Variants in RBFOX1 observed in about 807,000 individuals in gnomAD.
The protein encoded by RBFOX1 is RNA binding fox-1 homolog 1.
Under a neutral mutation model 57.7 loss-of-function variants are expected in RBFOX1, and 8 were observed. The observed-to-expected ratio is 0.14, with a 90% CI of 0.08 to 0.25. RBFOX1 has a LOEUF of 0.25. Ranked by LOEUF, RBFOX1 falls within the 10% of genes least tolerant of loss-of-function variation. The pLI, the probability that RBFOX1 is intolerant of heterozygous loss-of-function variation, is 1.00. For missense variants in RBFOX1, 611 were observed against 548.5 expected (o/e 1.11, Z -1.14); for synonymous variants, 326 against 222.4 (o/e 1.47, Z -4.15).
At chr16:7,306,290 A>C (rs536228126) in intron 4 of RBFOX1, among the ~76,000 whole-genome samples, 9 of 152,328 alleles carry the variant, frequency 5.9e-5, no homozygotes, top group Admixed American at 3.3e-4. Flanking sequence ...TGCCATGAGA[A>C]GAACAAACAT....
intron 4 of RBFOX1, among the ~76,000 whole-genome samples, chr16:5,870,661 C>T (rs2057448758): frequency 6.6e-6 from 1 of 150,784 alleles, no homozygotes. Context: ...GCTGAATTAT[C>T]ATTGCTGCAG....
intron 2 of RBFOX1, among the ~76,000 whole-genome samples, chr16:6,646,893 T>G (rs921511156): frequency 1.3e-5 from 2 of 151,808 alleles, no homozygotes; most frequent in African/African-American, 4.8e-5. Flanking sequence ...GGAGACAGGG[T>G]GAGAAAAGGA....
rs1028284410 is a variant in RBFOX1 at position 6,939,046 on chromosome 16, A to T, written c.-15-113011A>T. Among the ~76,000 whole-genome samples the T allele has an allele frequency of 3.3e-5, 5 of 152,280 alleles. No individual in the cohort carries two copies. The South Asian group carries it at 1.0e-3, about 32-fold the overall frequency. On this transcript the variant is annotated intron_variant, in intron 3 of 15. Transcript: ENST00000550418. ...TGCCTTGACATGTGACGAACTCTGG[A>T]ATATCAATGCTACCATGGGGTTTGT...
At chr16:5,290,006 A>G (rs1422336889) in intron 1 of RBFOX1, among the ~76,000 whole-genome samples, 2 of 152,268 alleles carry the variant, frequency 1.3e-5, no homozygotes, top group East Asian at 1.9e-4. Context: ...GAGATGGAAC[A>G]TGGTTTGACC....
intron 1 of RBFOX1, among the ~76,000 whole-genome samples, chr16:5,284,055 T>C (rs916086545): frequency 1.1e-4 from 16 of 152,180 alleles, no homozygotes; most frequent in African/African-American, 3.9e-4. Context: ...GTTCTCATGA[T>C]AGTGAATAAG....
intron 4 of RBFOX1, among the ~76,000 whole-genome samples, chr16:7,482,694 T>G (rs970718046): frequency 1.5e-4 from 23 of 151,974 alleles, no homozygotes; most frequent in Middle Eastern, 3.4e-3. Context: ...CTCCCCTGCT[T>G]GCACTTCGAA....
chr16:5,663,043 T>C (rs7193410), intron 3 of RBFOX1, among the ~76,000 whole-genome samples: 52,272 of 151,906 alleles, frequency 0.34, 11,499 homozygotes, highest in Non-Finnish European at 0.49. Flanking sequence ...CTGGAGAAAT[T>C]TTTGATTGTC....
At chr16:5,586,473 A>G (rs1485481417) in intron 2 of RBFOX1, among the ~76,000 whole-genome samples, 1 of 152,164 alleles carries the variant, frequency 6.6e-6, no homozygotes, top group Non-Finnish European at 1.5e-5. Context: ...TTTACTAACT[A>G]TTGCTATTAT....
At position 7,439,484 on chromosome 16, in the gene RBFOX1, A is replaced by G. The variant is rs551711437; in HGVS notation, c.28-78663A>G. 2.0e-5 allele frequency among the ~76,000 whole-genome samples: 3 copies of G among 152,292 alleles called. No homozygotes were observed. In the East Asian group the frequency reaches 5.8e-4, roughly 29 times the overall value. ...CTTGTCTGGACACAATTTTTAACCCAGAATTATCCACCTAGTTCCTCCCAT... is the reference window on the plus strand; with the variant it reads ...CTTGTCTGGACACAATTTTTAACCCGGAATTATCCACCTAGTTCCTCCCAT... On this transcript the variant is annotated intron_variant, in intron 4 of 15. Transcript: ENST00000550418.
At chr16:7,363,070 T>C (rs1411444072) in intron 4 of RBFOX1, among the ~76,000 whole-genome samples, 1 of 152,172 alleles carries the variant, frequency 6.6e-6, no homozygotes, top group Non-Finnish European at 1.5e-5. Flanking sequence ...GCCTGGATCA[T>C]TGAGAGCAAT....
At chr16:7,029,414 C>T (rs2042221364) in intron 3 of RBFOX1, among the ~76,000 whole-genome samples, 1 of 151,458 alleles carries the variant, frequency 6.6e-6, no homozygotes. Context: ...TTCAGTTCTT[C>T]TTTTGCTCTT....
At chr16:5,390,797 C>T (rs539236908) in intron 1 of RBFOX1, among the ~76,000 whole-genome samples, 4 of 152,120 alleles carry the variant, frequency 2.6e-5, no homozygotes, top group African/African-American at 7.2e-5. Context: ...AAAGCTGACT[C>T]GTCTCCTCAC....
chr16:7,132,685 T>C (rs554780730), intron 4 of RBFOX1, among the ~76,000 whole-genome samples: 64 of 151,832 alleles, frequency 4.2e-4, no homozygotes, highest in African/African-American at 1.5e-3. Flanking sequence ...CACTTCAGCA[T>C]GGATATTCCT....
intron 4 of RBFOX1, among the ~76,000 whole-genome samples, chr16:7,139,770 T>A (rs956890187): frequency 6.6e-6 from 1 of 152,128 alleles, no homozygotes; most frequent in Non-Finnish European, 1.5e-5. Context: ...CTTTTTTTTT[T>A]AAGTTCATCG....
chr16:6,114,576 C>T (rs34149754), intron 1 of RBFOX1, among the ~76,000 whole-genome samples: 3 of 151,982 alleles, frequency 2.0e-5, no homozygotes, highest in Non-Finnish European at 4.4e-5. Flanking sequence ...TTGGAGGGGG[C>T]GTAACTTATG....
chr16:6,863,725 C>CTTTTTTTTTTTTTTTTTTTTTTTTTTTTT (rs71408412), intron 3 of RBFOX1, among the ~76,000 whole-genome samples: 5 of 67,772 alleles, frequency 7.4e-5, no homozygotes, highest in African/African-American at 3.0e-4. Context: ...GATGCCTGCG[C>CTTTTTTTTTTTTTTTTTTTTTTTTTTTTT]TTTTTTTTTT....
At chr16:6,486,679 A>G (rs73524661) in intron 2 of RBFOX1, among the ~76,000 whole-genome samples, 1 of 147,544 alleles carries the variant, frequency 6.8e-6, no homozygotes, top group African/African-American at 2.5e-5. Flanking sequence ...TTGGCATTTT[A>G]GACTTTACTT....
intron 1 of RBFOX1, among the ~76,000 whole-genome samples, chr16:6,076,203 G>C (rs2095897204): frequency 6.6e-6 from 1 of 151,988 alleles, no homozygotes; most frequent in Non-Finnish European, 1.5e-5. Context: ...GGAGGCTGAG[G>C]CAGGAGAATT....
intron 14 of RBFOX1, among the ~76,000 whole-genome samples, chr16:7,688,426 A>T (rs1441794535): frequency 6.6e-6 from 1 of 152,054 alleles, no homozygotes; most frequent in African/African-American, 2.4e-5. Context: ...TAAGACTTAA[A>T]GACAGTATTA....
Sources: allele counts gnomAD v4.1 joint callset (sites outside exome capture counted in the v4.1 genomes callset), GRCh38; gene constraint gnomAD v4.1.1; transcripts MANE v1.5; gene names NCBI Gene and HGNC (gene_info 2026-07-23, HGNC 2026-07-21).